PTPRM: variants seen among roughly 807,000 people sequenced by gnomAD.
PTPRM encodes the protein receptor-type tyrosine-protein phosphatase mu.
In PTPRM, 47 loss-of-function variants were observed where a neutral mutation model predicts 186.7. That is an observed-to-expected ratio of 0.25 (90% CI 0.20 to 0.32). The LOEUF (loss-of-function observed/expected upper bound fraction) is 0.32, where lower values mean the gene tolerates loss of function less well. PTPRM is among the 10% of genes least tolerant of loss of function. PTPRM has a pLI of 1.00. For missense variants in PTPRM, 1,494 were observed against 1,865.0 expected (o/e 0.80, Z 3.66); for synonymous variants, 668 against 674.9 (o/e 0.99, Z 0.16).
chr18:7,936,070 G>A (rs1011960348), intron 5 of PTPRM, among the ~76,000 whole-genome samples: 1 of 152,242 alleles, frequency 6.6e-6, no homozygotes, highest in African/African-American at 2.4e-5. Flanking sequence ...GGAAGACAGA[G>A]ATGGCCATGG....
intron 4 of PTPRM, among the ~76,000 whole-genome samples, chr18:7,922,090 A>C (rs1305511612): frequency 6.6e-6 from 1 of 152,136 alleles, no homozygotes; most frequent in African/African-American, 2.4e-5. Context: ...GTTACTGCCT[A>C]ATTTTTGGCA....
rs181366121 is a variant in PTPRM, at chr18:7,709,441, C to G, written c.74-64708C>G. On this transcript the variant is annotated intron_variant, in intron 1 of 32. Coordinates refer to ENST00000580170, the MANE Select transcript of PTPRM (RefSeq NM_001105244.2). ...GAGGAAAGTTCATAGCATTAAATGTCTACATCAAAAAGTCTGAAAGAGCAC... is the reference window on the plus strand; with the variant it reads ...GAGGAAAGTTCATAGCATTAAATGTGTACATCAAAAAGTCTGAAAGAGCAC... Among the ~76,000 whole-genome samples, 735 of 152,146 alleles carry G rather than the reference C, an allele frequency of 4.8e-3. 6 individuals carry two copies. The highest frequency in any genetic ancestry group is 0.016 in the African/African-American group (681 of 41,522).
intron 7 of PTPRM, among the ~76,000 whole-genome samples, chr18:7,976,858 G>A (rs1281733603): frequency 6.6e-6 from 1 of 151,656 alleles, no homozygotes; most frequent in South Asian, 2.1e-4. Context: ...CTTTTCTTGA[G>A]TAAATGTATT....
rs569275641 is a variant in PTPRM at position 7,578,194 on chromosome 18, C to T, written c.73+10303C>T. On this transcript the variant is annotated intron_variant, in intron 1 of 32. Transcript: ENST00000580170. ...ATGATGATTTTTAGACAGGGTCTCA[C>T]TCTTGTCACCCAGGCTGTAGTGCAA... Among the ~76,000 whole-genome samples the T allele has an allele frequency of 2.0e-5, 3 of 152,234 alleles. No individual in the cohort carries two copies. The South Asian group carries it at 6.2e-4, about 32-fold the overall frequency.
intron 11 of PTPRM, among the ~76,000 whole-genome samples, chr18:8,093,083 G>A (rs1475054838): frequency 1.3e-5 from 2 of 151,636 alleles, no homozygotes; most frequent in Non-Finnish European, 2.9e-5. Context: ...CATACAAATG[G>A]TTATGGTTTA....
At position 7,662,251 on chromosome 18, in the gene PTPRM, G is replaced by C. The variant is rs537982641; in HGVS notation, c.73+94360G>C. 2.2e-4 allele frequency among the ~76,000 whole-genome samples: 33 copies of C among 152,280 alleles called. 1 individual carries two copies. The highest frequency in any genetic ancestry group is 7.2e-4 in the African/African-American group (30 of 41,560). On this transcript the variant is annotated intron_variant, in intron 1 of 32. Coordinates refer to ENST00000580170, the MANE Select transcript of PTPRM (RefSeq NM_001105244.2). ...ATATCCAGACCATATATATGATCTT[G>C]ATAGAAGATTATGCTGAGATGCAGC... is the stretch of plus-strand genomic sequence containing the variant.
chr18:7,608,768 C>A, intron 1 of PTPRM, among the ~76,000 whole-genome samples: 1 of 152,262 alleles, frequency 6.6e-6, no homozygotes, highest in Non-Finnish European at 1.5e-5. Context: ...CAGCTGTCTT[C>A]GGGAAGCTGG....
chr18:8,300,580 C>A (rs1391034088), intron 20 of PTPRM, among the ~76,000 whole-genome samples: 1 of 151,912 alleles, frequency 6.6e-6, no homozygotes. Flanking sequence ...GACCATCCTG[C>A]TCCTTACTAG....
At chr18:8,289,373 A>G (rs1276113211) in intron 19 of PTPRM, among the ~76,000 whole-genome samples, 2 of 148,744 alleles carry the variant, frequency 1.3e-5, no homozygotes, top group African/African-American at 5.0e-5. Flanking sequence ...GGGACTGTTT[A>G]TAGGCATGAA....
At chr18:8,224,853 A>G (rs1039608527) in intron 14 of PTPRM, among the ~76,000 whole-genome samples, 1 of 152,212 alleles carries the variant, frequency 6.6e-6, no homozygotes, top group Non-Finnish European at 1.5e-5. Flanking sequence ...TGGGGCTAGC[A>G]CTAGAGGATT....
At position 8,223,117 on chromosome 18, in the gene PTPRM, G is replaced by A. The variant is rs191785237; in HGVS notation, c.2301-20941G>A. 5.0e-4 allele frequency among the ~76,000 whole-genome samples: 76 copies of A among 152,236 alleles called. 1 individual carries two copies. Among genetic ancestry groups the A allele is most frequent in the Admixed American group, 6.5e-5 (1 of 15,294 alleles). On this transcript the variant is annotated intron_variant, in intron 14 of 32. Transcript: ENST00000580170. Reference sequence around the variant, plus strand: ...CACATGCCTGTAGTCTCAGCTACTCGAGAGGCTTAGGCAGGATAATTGCTT... The same window carrying A: ...CACATGCCTGTAGTCTCAGCTACTCAAGAGGCTTAGGCAGGATAATTGCTT...
chr18:7,772,345 C>CTT lies in PTPRM; in HGVS notation c.74-1802_74-1801dup, dbSNP rs1191037134. 1.2e-4 allele frequency among the ~76,000 whole-genome samples: 14 copies of CTT among 116,488 alleles called. 1 individual carries two copies. The highest frequency in any genetic ancestry group is 3.7e-4 in the African/African-American group (12 of 32,158). 76.4% of individuals were successfully genotyped at this position (116,488 alleles called of 152,430 possible). Reference sequence around the variant, plus strand: ...CCTTCGTTCTTTCTTTTCTTTCTTTCTTTCTCTTTCTTTCTTTCTTTCTTT... The same window carrying CTT: ...CCTTCGTTCTTTCTTTTCTTTCTTTCTTTTTCTCTTTCTTTCTTTCTTTCTTT... On this transcript the variant is annotated intron_variant, in intron 1 of 32. Transcript: ENST00000580170.
At chr18:8,254,947 G>A (rs1336225775) in intron 19 of PTPRM, among the ~76,000 whole-genome samples, 5 of 152,300 alleles carry the variant, frequency 3.3e-5, no homozygotes, top group East Asian at 1.9e-4. Flanking sequence ...CATCCAGACC[G>A]TGCTCCAGGG....
chr18:8,327,028 G>C (rs2095381480), intron 22 of PTPRM, among the ~76,000 whole-genome samples: 1 of 152,172 alleles, frequency 6.6e-6, no homozygotes, highest in South Asian at 2.1e-4. Flanking sequence ...CAAAATGTAA[G>C]TAGTCTTATG....
At chr18:7,771,741 T>A (rs1568106591) in intron 1 of PTPRM, among the ~76,000 whole-genome samples, 1 of 152,220 alleles carries the variant, frequency 6.6e-6, no homozygotes, top group Non-Finnish European at 1.5e-5. Flanking sequence ...CTGTTTAACA[T>A]TGTTTATCAG....
At chr18:7,798,642 TTTTTG>T (rs2043795752) in intron 2 of PTPRM, among the ~76,000 whole-genome samples, 1 of 152,164 alleles carries the variant, frequency 6.6e-6, no homozygotes, top group Non-Finnish European at 1.5e-5. Flanking sequence ...TCAGCTCTGA[TTTTTG>T]TTTTTTCTTT....
chr18:8,031,382 G>C (rs1175917000), intron 7 of PTPRM, among the ~76,000 whole-genome samples: 1 of 152,196 alleles, frequency 6.6e-6, no homozygotes, highest in African/African-American at 2.4e-5. Context: ...TGTCAAGTTT[G>C]ATAGGGACAT....
In PTPRM at chr18:8,088,805, G is replaced by C. The variant is rs142688706; in HGVS notation, c.1810G>C (p.Val604Leu). The C allele has an allele frequency of 1.2e-6, 2 of 1,612,930 alleles. No homozygotes were observed. The highest frequency in any genetic ancestry group is 1.7e-6 in the Non-Finnish European group (2 of 1,179,316). Residue 604 changes from valine to leucine, a missense_variant, in exon 11 of 33, where the codon GTG (valine) becomes CTG (leucine). Val to Leu is a conservative substitution (Grantham distance 32). This residue lies in a region of PTPRM where 1,107 missense variants were observed against 1,350.2 expected (regional missense o/e 0.82). Transcript: ENST00000580170. ...ACCTTTGAATCAAACTGACAATACC[G>C]TGACAGTCATGCTGAAACCTGCCCA... ...ETPLNQTDNT[V>L]TVMLKPAHSR...
At chr18:7,966,749 G>A (rs540964038) in intron 7 of PTPRM, among the ~76,000 whole-genome samples, 184 of 141,508 alleles carry the variant, frequency 1.3e-3, no homozygotes, top group African/African-American at 4.2e-3. Context: ...TTTTCAGACC[G>A]GCTTAAAAAA....
Sources: gnomAD v4.1 joint callset for allele counts (sites outside exome capture counted in the v4.1 genomes callset) on GRCh38, gnomAD v4.1.1 for gene constraint, gnomAD v4.1.1 regional missense constraint, MANE v1.5 for transcripts, NCBI Gene and HGNC (gene_info 2026-07-23, HGNC 2026-07-21) for gene names.